Variants in FNBP1L observed in about 807,000 individuals in gnomAD.
FNBP1L encodes formin binding protein 1 like, also known as formin-binding protein 1-like.
A neutral mutation model predicts 91.2 loss-of-function variants in FNBP1L; 36 were observed. That is an observed-to-expected ratio of 0.39 (90% CI 0.30 to 0.52). The LOEUF (loss-of-function observed/expected upper bound fraction) is 0.52. FNBP1L is among the 20% of genes least tolerant of loss of function. The pLI is 0.66. For synonymous variants in FNBP1L, 242 were observed against 237.0 expected, an observed-to-expected ratio of 1.02 and a Z score of -0.19; for missense variants, 571 against 732.1, an observed-to-expected ratio of 0.78 and a Z score of 2.54.
At chr1:93,476,331 A>G (rs1669493805) in intron 1 of FNBP1L, among the ~76,000 whole-genome samples, 1 of 152,148 alleles carries the variant, frequency 6.6e-6, no homozygotes, top group African/African-American at 2.4e-5. Flanking sequence ...CTTACTTTCC[A>G]TGTTTGTATA....
chr1:93,463,105 A>T (rs1668930838), intron 1 of FNBP1L, among the ~76,000 whole-genome samples: 1 of 152,008 alleles, frequency 6.6e-6, no homozygotes, highest in South Asian at 2.1e-4. Context: ...TGACTGTTTG[A>T]GCTCTTTCGG....
chr1:93,459,190 G>A (rs1001041301), intron 1 of FNBP1L, among the ~76,000 whole-genome samples: 11 of 152,188 alleles, frequency 7.2e-5, no homozygotes, highest in Non-Finnish European at 1.5e-4. Context: ...GAACCCAGGA[G>A]GTGGAGGTTA....
chr1:93,499,627 T>A, intron 2 of FNBP1L, 44 bp downstream of exon 2: 2 of 1,147,250 alleles, frequency 1.7e-6, no homozygotes, highest in South Asian at 2.8e-5. Flanking sequence ...AATTACATGT[T>A]TAAACAGTTG....
In FNBP1L at chr1:93,534,694, C is replaced by G. The variant is rs1671788689; in HGVS notation, c.787-11C>G. On this transcript the variant is annotated splice_polypyrimidine_tract_variant and intron_variant, in intron 8 of 16. Transcript: ENST00000271234. The stretch of plus-strand genomic sequence containing the variant: ...GTGAAACAGTTTTAAAACCTAGTTT[C>G]TTTTGTATAGGACTCTCAAATGGTG... The G allele has an allele frequency of 7.1e-6, 11 of 1,545,910 alleles. No homozygotes were observed. Among genetic ancestry groups the G allele is most frequent in the Non-Finnish European group, 9.6e-6 (11 of 1,142,788 alleles).
intron 2 of FNBP1L, among the ~76,000 whole-genome samples, chr1:93,516,342 A>G (rs772334237): frequency 4.6e-5 from 7 of 152,182 alleles, no homozygotes; most frequent in Admixed American, 2.0e-4. Flanking sequence ...CACCTGAGCT[A>G]TACCCCCTTT....
At chr1:93,513,896 C>T (rs1324662915) in intron 2 of FNBP1L, among the ~76,000 whole-genome samples, 1 of 152,176 alleles carries the variant, frequency 6.6e-6, no homozygotes, top group Non-Finnish European at 1.5e-5. Flanking sequence ...TCCTTTTCAA[C>T]ATAGTGTTGG....
chr1:93,481,310 G>C (rs377305405), intron 1 of FNBP1L, among the ~76,000 whole-genome samples: 8 of 152,050 alleles, frequency 5.3e-5, no homozygotes, highest in African/African-American at 1.7e-4. Context: ...CAATATTTTA[G>C]TGAAAGCACA....
chr1:93,530,242 T>A (rs1471967833), intron 6 of FNBP1L, among the ~76,000 whole-genome samples: 1 of 152,172 alleles, frequency 6.6e-6, no homozygotes, highest in Non-Finnish European at 1.5e-5. Flanking sequence ...GGAAACACTG[T>A]TGAATGTTGC....
chr1:93,514,923 C>G (rs1179530477), intron 2 of FNBP1L, among the ~76,000 whole-genome samples: 1 of 152,082 alleles, frequency 6.6e-6, no homozygotes, highest in Non-Finnish European at 1.5e-5. Flanking sequence ...CAAATGGGAT[C>G]GAATTAAAAT....
chr1:93,512,191 G>T (rs1443829541), intron 2 of FNBP1L, among the ~76,000 whole-genome samples: 1 of 152,088 alleles, frequency 6.6e-6, no homozygotes, highest in East Asian at 1.9e-4. Flanking sequence ...TTACATAATG[G>T]TAATGGGATC....
chr1:93,450,713 A>G (rs915321643), intron 1 of FNBP1L, among the ~76,000 whole-genome samples: 1 of 152,220 alleles, frequency 6.6e-6, no homozygotes, highest in Non-Finnish European at 1.5e-5. Flanking sequence ...CTATTATTTC[A>G]TATTTAGAAT....
At position 93,503,847 on chromosome 1, in the gene FNBP1L, T is replaced by A. The variant is rs543567451; in HGVS notation, c.140+4264T>A. 2.6e-5 allele frequency among the ~76,000 whole-genome samples: 4 copies of A among 152,328 alleles called. No individual in the cohort carries two copies. The East Asian group carries it at 7.7e-4, about 29-fold the overall frequency. Reference sequence around the variant, plus strand: ...GAGCCATATATATGTGATAAGTTTGTATCATTTTAGTTTTTTCTAGTAAAA... The same window carrying A: ...GAGCCATATATATGTGATAAGTTTGAATCATTTTAGTTTTTTCTAGTAAAA... On this transcript the variant is annotated intron_variant, in intron 2 of 16. Coordinates refer to ENST00000271234, the MANE Select transcript of FNBP1L (RefSeq NM_001164473.3).
chr1:93,471,537 C>G (rs1394552364), intron 1 of FNBP1L, among the ~76,000 whole-genome samples: 1 of 151,994 alleles, frequency 6.6e-6, no homozygotes, highest in African/African-American at 2.4e-5. Flanking sequence ...ACAAAAAATA[C>G]AAAAATTAGC....
intron 13 of FNBP1L, 78 bp from the exon 14 acceptor site, chr1:93,547,269 A>G: frequency 8.4e-7 from 1 of 1,191,730 alleles, no homozygotes; most frequent in Non-Finnish European, 1.2e-6. Context: ...AAACTTAAAC[A>G]CATTTTAAAT....
chr1:93,451,451 T>C (rs1469979069), intron 1 of FNBP1L, among the ~76,000 whole-genome samples: 1 of 152,160 alleles, frequency 6.6e-6, no homozygotes, highest in Non-Finnish European at 1.5e-5. Context: ...GCACCTCACA[T>C]TCATATGATT....
chr1:93,509,340 G>T (rs1022877727), intron 2 of FNBP1L, among the ~76,000 whole-genome samples: 2 of 152,212 alleles, frequency 1.3e-5, no homozygotes, highest in Non-Finnish European at 2.9e-5. Flanking sequence ...AGGGAGCCCA[G>T]AGGGTTGTAC....
At chr1:93,453,843 A>G (rs528430233) in intron 1 of FNBP1L, among the ~76,000 whole-genome samples, 58 of 152,366 alleles carry the variant, frequency 3.8e-4, no homozygotes, top group African/African-American at 1.3e-3. Context: ...CATGCCTATT[A>G]TGGCTTCAGC....
intron 1 of FNBP1L, among the ~76,000 whole-genome samples, chr1:93,472,037 G>A (rs1407011710): frequency 1.3e-5 from 2 of 152,166 alleles, no homozygotes; most frequent in African/African-American, 2.4e-5. Context: ...TTAGAATCAT[G>A]TAGAGAATTT....
chr1:93,511,158 T>C (rs1445493421), intron 2 of FNBP1L, among the ~76,000 whole-genome samples: 21 of 152,166 alleles, frequency 1.4e-4, no homozygotes, highest in Non-Finnish European at 2.8e-4. Flanking sequence ...AATTGTCAGA[T>C]TCACCAAAGT....
Sources: allele counts gnomAD v4.1 joint callset (sites outside exome capture counted in the v4.1 genomes callset), GRCh38; gene constraint gnomAD v4.1.1; transcripts MANE v1.5; gene names NCBI Gene and HGNC (gene_info 2026-07-23, HGNC 2026-07-21).